EDIL3: variants seen among roughly 807,000 people sequenced by gnomAD.
EDIL3 encodes EGF like and discoidin domains 3.
In EDIL3, 37 loss-of-function variants were observed where a neutral mutation model predicts 67.4. The observed-to-expected ratio is 0.55, with a 90% CI of 0.42 to 0.72. The LOEUF is 0.72. EDIL3 is among the 30% of genes least tolerant of loss of function. The pLI is 0.00. For missense variants in EDIL3, 527 were observed against 586.3 expected (o/e 0.90, Z 1.04); for synonymous variants, 195 against 196.3 (o/e 0.99, Z 0.05).
chr5:84,310,104 T>C (rs1198753841), intron 1 of EDIL3, among the ~76,000 whole-genome samples: 1 of 152,204 alleles, frequency 6.6e-6, no homozygotes, highest in African/African-American at 2.4e-5. Context: ...ATAACAATTC[T>C]GACAAAGCTA....
At chr5:83,984,382 T>G (rs1383973199) in intron 9 of EDIL3, among the ~76,000 whole-genome samples, 1 of 151,878 alleles carries the variant, frequency 6.6e-6, no homozygotes, top group Admixed American at 6.6e-5. Flanking sequence ...GGCATAAGAG[T>G]ATGTCTTGCC....
In EDIL3 at chr5:84,163,853, C is replaced by T. The variant is rs145153201; in HGVS notation, c.355+16540G>A. Among the ~76,000 whole-genome samples, 153 of 152,186 alleles carry T rather than the reference C, an allele frequency of 1.0e-3. 2 individuals carry two copies. The highest frequency in any genetic ancestry group is 3.4e-3 in the African/African-American group (140 of 41,550). On this transcript the variant is annotated intron_variant, in intron 4 of 10. Transcript: ENST00000296591. ...CTATCCATTTTCATCAAAATACTAT[C>T]CTGTCATCAAAAGTATGATGTCATC...
intron 1 of EDIL3, among the ~76,000 whole-genome samples, chr5:84,313,160 A>T (rs1045775243): frequency 2.0e-5 from 3 of 152,208 alleles, no homozygotes; most frequent in African/African-American, 7.2e-5. Flanking sequence ...CATACAAAAT[A>T]CAGAAAACAC....
chr5:84,282,023 C>T (rs1166981654), intron 1 of EDIL3, among the ~76,000 whole-genome samples: 1 of 150,268 alleles, frequency 6.7e-6, no homozygotes, highest in African/African-American at 2.4e-5. Context: ...CCGGCCACTA[C>T]ACCCAGCTAA....
intron 9 of EDIL3, among the ~76,000 whole-genome samples, chr5:83,984,605 T>C (rs1336653388): frequency 1.3e-5 from 2 of 152,084 alleles, no homozygotes; most frequent in Non-Finnish European, 2.9e-5. Context: ...GCTTTAAATG[T>C]CCACTGTCTA....
At chr5:84,368,321 A>T (rs190641946) in intron 1 of EDIL3, among the ~76,000 whole-genome samples, 164 of 152,344 alleles carry the variant, frequency 1.1e-3, no homozygotes, top group African/African-American at 3.8e-3. Flanking sequence ...TTTCACATAT[A>T]TGGTGAGAGG....
At chr5:84,125,942 G>A (rs1326193704) in intron 5 of EDIL3, among the ~76,000 whole-genome samples, 17 of 152,006 alleles carry the variant, frequency 1.1e-4, no homozygotes, top group Admixed American at 1.1e-3. Flanking sequence ...GTGAACAGGT[G>A]ATGGTTGCTC....
At chr5:84,040,608 T>C (rs1053263405) in intron 9 of EDIL3, among the ~76,000 whole-genome samples, 1 of 151,590 alleles carries the variant, frequency 6.6e-6, no homozygotes, top group African/African-American at 2.4e-5. Context: ...ATTCTATATA[T>C]GGATGTTTAA....
chr5:84,179,799 T>C (rs1748983650), intron 4 of EDIL3, among the ~76,000 whole-genome samples: 1 of 152,092 alleles, frequency 6.6e-6, no homozygotes, highest in Admixed American at 6.6e-5. Context: ...CACCATTCCT[T>C]TGACATTTAT....
chr5:84,229,709 C>T (rs999452349), intron 3 of EDIL3, 146 bp downstream of exon 3: 6 of 791,264 alleles, frequency 7.6e-6, no homozygotes, highest in African/African-American at 1.7e-5. Flanking sequence ...GCATAGTGAG[C>T]TCAGCAAATA....
At chr5:84,266,485 C>A (rs1745351254) in intron 1 of EDIL3, among the ~76,000 whole-genome samples, 1 of 152,188 alleles carries the variant, frequency 6.6e-6, no homozygotes, top group African/African-American at 2.4e-5. Flanking sequence ...GTCAGAGACT[C>A]TCACGGGGTG....
chr5:84,043,705 G>C (rs1280181369), intron 9 of EDIL3, among the ~76,000 whole-genome samples: 1 of 151,976 alleles, frequency 6.6e-6, no homozygotes, highest in Non-Finnish European at 1.5e-5. Flanking sequence ...TTTTGAGACA[G>C]GGTAATTTAT....
intron 9 of EDIL3, among the ~76,000 whole-genome samples, chr5:84,003,505 A>G (rs1745366315): frequency 6.6e-6 from 1 of 152,202 alleles, no homozygotes; most frequent in South Asian, 2.1e-4. Context: ...AATATAGAGA[A>G]GCTGCAAATC....
In EDIL3 at chr5:84,229,842, A is replaced by T; in HGVS notation, c.226+13T>A. 1 of 1,596,866 alleles carries T rather than the reference A, an allele frequency of 6.3e-7. No homozygotes were observed. The highest frequency in any genetic ancestry group is 8.6e-7 in the Non-Finnish European group (1 of 1,169,344). On this transcript the variant is annotated intron_variant, in intron 3 of 10. Coordinates refer to ENST00000296591, the MANE Select transcript of EDIL3 (RefSeq NM_005711.5). ...ATTAAATAAGAATTATGTTTACAACATAGGAACTTTACCTGCTGAAGTTGG... is the reference window on the plus strand; with the variant it reads ...ATTAAATAAGAATTATGTTTACAACTTAGGAACTTTACCTGCTGAAGTTGG...
chr5:84,192,635 T>C (rs551743445), intron 3 of EDIL3, among the ~76,000 whole-genome samples: 1 of 152,192 alleles, frequency 6.6e-6, no homozygotes, highest in African/African-American at 2.4e-5. Context: ...ATTTGTTCAC[T>C]TATTGATATA....
chr5:84,329,829 C>T (rs1580081576), intron 1 of EDIL3, among the ~76,000 whole-genome samples: 2 of 151,970 alleles, frequency 1.3e-5, no homozygotes, highest in East Asian at 1.9e-4. Flanking sequence ...CACAACAATA[C>T]TGTCAAATAA....
chr5:84,080,563 T>G (rs1559064), intron 6 of EDIL3, among the ~76,000 whole-genome samples: 41,810 of 151,936 alleles, frequency 0.28, 5,953 homozygotes, highest in African/African-American at 0.31. Context: ...AAGTTGTGAT[T>G]GTTATTCTAC....
intron 10 of EDIL3, among the ~76,000 whole-genome samples, chr5:83,956,374 C>T (rs369192523): frequency 2.0e-5 from 3 of 151,628 alleles, no homozygotes; most frequent in East Asian, 2.0e-4. Flanking sequence ...TTTTTTCTGT[C>T]TTGTTTTTGA....
At chr5:84,186,540 A>G (rs1302636815) in intron 3 of EDIL3, among the ~76,000 whole-genome samples, 31 of 152,036 alleles carry the variant, frequency 2.0e-4, no homozygotes, top group Admixed American at 2.0e-3. Flanking sequence ...TACTGTGAAT[A>G]TACTATGCTT....
Sources: allele counts gnomAD v4.1 joint callset (sites outside exome capture counted in the v4.1 genomes callset), GRCh38; gene constraint gnomAD v4.1.1; transcripts MANE v1.5; gene names NCBI Gene and HGNC (gene_info 2026-07-23, HGNC 2026-07-21).